CLUH: variants seen among roughly 807,000 people sequenced by gnomAD.
CLUH encodes clustered mitochondria protein homolog.
Under a neutral mutation model 139.3 loss-of-function variants are expected in CLUH, and 77 were observed. The observed-to-expected ratio is 0.55, with a 90% CI of 0.46 to 0.67. CLUH has a LOEUF of 0.67. Among genes scored for constraint, CLUH ranks in the 30% least tolerant of loss-of-function variants. CLUH has a pLI of 0.00. For missense variants in CLUH, 1,876 were observed against 1,875.8 expected, an observed-to-expected ratio of 1.00 and a Z score of 0.00; for synonymous variants, 999 against 801.6, an observed-to-expected ratio of 1.25 and a Z score of -4.16.
Position 2,711,553 on chromosome 17 carries a change from C to A in CLUH, c.100+9G>T. On this transcript the variant is annotated intron_variant, in intron 1 of 25. Transcript: ENST00000651024. ...CGCCCAGCGGCCCGCTGGCCCTGGC[C>A]CCGCTCACCGGCCGCGCCCGGCCGC... 1.0e-6 allele frequency: 1 copy of A among 956,206 alleles called. No individual in the cohort carries two copies. The highest frequency in any genetic ancestry group is 1.2e-6 in the Non-Finnish European group (1 of 804,320). 59.2% of individuals were successfully genotyped at this position (956,206 alleles called of 1,614,324 possible). A position where few individuals can be genotyped will look rare whatever the true frequency, so the allele number is the denominator to read the frequency against.
At chr17:2,690,871 G>A (rs2069598345) in intron 25 of CLUH, 94 bp from the exon 26 acceptor site, 2 of 1,033,230 alleles carry the variant, frequency 1.9e-6, no homozygotes, top group Non-Finnish European at 2.7e-6. Context: ...CTCAGGCTCT[G>A]CGCTCTATTC....
rs548922441 is a variant in CLUH at position 2,691,664 on chromosome 17, C to T, written c.3808G>A (p.Ala1270Thr). The change falls in exon 25 of 26, where the codon GCC becomes ACC. Residue 1270 changes from alanine to threonine, a missense_variant. Physicochemically the swap from Ala to Thr is moderately conservative, Grantham distance 58. Coordinates refer to ENST00000651024, the MANE Select transcript of CLUH (RefSeq NM_001366661.1). ...ACGTTCAGCTGCTCCAAGACGCTGGCCATGCTGGGGGCCGTGAACTGCGGG... is the reference window on the plus strand; with the variant it reads ...ACGTTCAGCTGCTCCAAGACGCTGGTCATGCTGGGGGCCGTGAACTGCGGG... ...PPLKFTAPSMASVLEQLNVIN... is the reference protein window; with the variant it reads ...PPLKFTAPSMTSVLEQLNVIN... 221 of 1,612,620 alleles carry T rather than the reference C, an allele frequency of 1.4e-4. 2 individuals are homozygous for T. In the East Asian group the frequency reaches 3.9e-3, roughly 29 times the overall value.
chr17:2,691,672 G>C lies in CLUH; in HGVS notation c.3800C>G (p.Pro1267Arg). The change falls in exon 25 of 26, where the codon CCC becomes CGC. Residue 1267 changes from proline to arginine, a missense_variant. Pro to Arg is a moderately radical substitution (Grantham distance 103). Transcript: ENST00000651024. ...CTGCTCCAAGACGCTGGCCATGCTG[G>C]GGGCCGTGAACTGCGGGGCGGGGAA... ...ANIPPLKFTA[P>R]SMASVLEQLN... is the part of the protein sequence containing the mutation. The C allele has an allele frequency of 6.2e-7, 1 of 1,612,294 alleles. No homozygotes were observed. The highest frequency in any genetic ancestry group is 1.1e-5 in the South Asian group (1 of 90,924).
Position 2,701,598 on chromosome 17 carries a change from C to A in CLUH, c.744+15G>T. The A allele has an allele frequency of 6.2e-7, 1 of 1,610,032 alleles. No homozygotes were observed. The highest frequency in any genetic ancestry group is 1.7e-4 in the Middle Eastern group (1 of 6,050). On this transcript the variant is annotated intron_variant, in intron 5 of 25. Transcript: ENST00000651024. Reference sequence around the variant, plus strand: ...CCCGCCAGGGACCCTCTTCCTCCCTCCCCCAGGATCCTACCTTCCAGTCAC... The same window carrying A: ...CCCGCCAGGGACCCTCTTCCTCCCTACCCCAGGATCCTACCTTCCAGTCAC...
chr17:2,704,554 T>C lies in CLUH; in HGVS notation c.111A>G (p.Ser37=). ...GGCAGTCCCCGTTTAAGAGCATGACTGATGGCAGCTCTGCGGGTGACAAGA... is the reference window on the plus strand; with the variant it reads ...GGCAGTCCCCGTTTAAGAGCATGACCGATGGCAGCTCTGCGGGTGACAAGA... ...KGRPGAAELP[S]VMLLNGDCPE... is the part of the protein sequence containing the mutation. The change falls in exon 2 of 26, where the codon TCA becomes TCG. Residue 37 remains serine (S), a synonymous_variant. Transcript: ENST00000651024. This position sits in a 1 kb window ranked among gnomAD's most constrained non-coding sequence, Gnocchi z 5.7. 6.4e-7 allele frequency: 1 copy of C among 1,561,338 alleles called. No individual in the cohort carries two copies. The highest frequency in any genetic ancestry group is 8.7e-7 in the Non-Finnish European group (1 of 1,153,432).
chr17:2,699,934 A>AT (rs537348714), intron 9 of CLUH, among the ~76,000 whole-genome samples: 70 of 151,000 alleles, frequency 4.6e-4, no homozygotes, highest in African/African-American at 1.2e-3. Context: ...CCGGCCTGAG[A>AT]TTTTTTTTTT....
rs2069578765 is a variant in CLUH, at chr17:2,690,494, G to A, written c.*100C>T. ...GGGTGGGGTGAGACGTGGAGGAAGA[G>A]GGCCTTGCTTCCTCTTCCGCCCGCA... is the stretch of plus-strand genomic sequence containing the variant. On this transcript the variant is annotated 3_prime_UTR_variant, in exon 26 of 26. Coordinates refer to ENST00000651024, the MANE Select transcript of CLUH (RefSeq NM_001366661.1). The A allele has an allele frequency of 2.8e-6, 3 of 1,076,528 alleles. No individual in the cohort carries two copies. The highest frequency in any genetic ancestry group is 4.1e-5 in the South Asian group (2 of 48,206). 66.7% of individuals were successfully genotyped at this position (1,076,528 alleles called of 1,614,324 possible).
Position 2,711,607 on chromosome 17 carries a change from C to A in CLUH, c.55G>T (p.Glu19Ter). 1 of 983,486 alleles carries A rather than the reference C, an allele frequency of 1.0e-6. No individual in the cohort carries two copies. The highest frequency in any genetic ancestry group is 1.2e-6 in the Non-Finnish European group (1 of 829,334). The allele number at this position is 983,486 out of a possible 1,614,324, so 60.9% of individuals were successfully genotyped here. ...PAAAPADSAR[E>*]HGSQAGGKGR... ...TTGCCCCCGGCCTGCGAGCCGTGTT[C>A]CCGGGCGCTGTCGGCCGGGGCGGCC... Residue 19 changes from glutamate (E) to a stop codon, truncating the protein, a stop_gained, in exon 1 of 26, where the codon GAA becomes TAA. Transcript: ENST00000651024. LOFTEE classifies it high-confidence loss of function.
chr17:2,691,369 C>G (rs925927744), intron 25 of CLUH, among the ~76,000 whole-genome samples: 1 of 152,122 alleles, frequency 6.6e-6, no homozygotes, highest in African/African-American at 2.4e-5. Flanking sequence ...CGAGACCAGC[C>G]TGGTCAACGT....
chr17:2,711,016 T>A (rs2070500846), intron 1 of CLUH: 1 of 152,422 alleles, frequency 6.6e-6, no homozygotes. Context: ...CCTCAGGGCA[T>A]GAACCAGGGA....
rs2070295298 is a variant in CLUH at position 2,704,645 on chromosome 17, G to A, written c.101-81C>T. On this transcript the variant is annotated intron_variant, in intron 1 of 25. Transcript: ENST00000651024. The surrounding 1 kb of genome is among the most constrained non-coding windows in gnomAD (Gnocchi z 5.7). ...TCCGCCTGACCCCACACGGGGACAC[G>A]TGCCTTCTGGAAAGGCATCTGCATG... 10 of 1,345,552 alleles carry A rather than the reference G, an allele frequency of 7.4e-6. No individual in the cohort carries two copies. Among genetic ancestry groups the A allele is most frequent in the African/African-American group, 2.9e-5 (2 of 68,404 alleles). The allele number at this position is 1,345,552 out of a possible 1,614,324, so 83.4% of individuals were successfully genotyped here.
At position 2,711,596 on chromosome 17, in the gene CLUH, C is replaced by T; in HGVS notation, c.66G>A (p.Ser22=). The T allele has an allele frequency of 3.1e-6, 3 of 983,468 alleles. No homozygotes were observed. The highest frequency in any genetic ancestry group is 1.2e-6 in the Non-Finnish European group (1 of 829,208). The allele number at this position is 983,468 out of a possible 1,614,324, so 60.9% of individuals were successfully genotyped here. A position where few individuals can be genotyped will look rare whatever the true frequency, so the allele number is the denominator to read the frequency against. The change falls in exon 1 of 26, where the codon TCG becomes TCA. Residue 22 remains serine (S), a synonymous_variant. Coordinates refer to ENST00000651024, the MANE Select transcript of CLUH (RefSeq NM_001366661.1). ...CCGGCCGCCCCTTGCCCCCGGCCTG[C>T]GAGCCGTGTTCCCGGGCGCTGTCGG... The part of the protein sequence containing the change: ...APADSAREHG[S]QAGGKGRPGA...
chr17:2,692,539 G>C (rs756061842), intron 21 of CLUH, 32 bp downstream of exon 21: 2 of 1,601,618 alleles, frequency 1.2e-6, no homozygotes, highest in Non-Finnish European at 1.7e-6. Flanking sequence ...GATGGAGCTG[G>C]GTCCCTGCCG....
At chr17:2,697,146 T>A (rs1057283517) in intron 10 of CLUH, among the ~76,000 whole-genome samples, 3 of 152,138 alleles carry the variant, frequency 2.0e-5, no homozygotes, top group African/African-American at 7.2e-5. Flanking sequence ...ACGCCTGTAA[T>A]CCCAGCACTT....
At chr17:2,693,708 C>T (rs574415595) in intron 19 of CLUH, among the ~76,000 whole-genome samples, 192 bp downstream of exon 19, 5 of 152,288 alleles carry the variant, frequency 3.3e-5, no homozygotes, top group East Asian at 1.9e-4. Context: ...CTGACCTCAC[C>T]GCAGCACAGG....
intron 19 of CLUH, among the ~76,000 whole-genome samples, chr17:2,693,519 C>T (rs1334855223): frequency 1.9e-5 from 2 of 105,142 alleles, no homozygotes; most frequent in Non-Finnish European, 1.9e-5. Context: ...GCAGGGCACC[C>T]AGAACCCCAC....
Position 2,691,655 on chromosome 17 carries a change from A to G in CLUH, c.3817T>C (p.Leu1273=), listed in dbSNP as rs772240803. Reference sequence around the variant, plus strand: ...CCGTTAATGACGTTCAGCTGCTCCAAGACGCTGGCCATGCTGGGGGCCGTG... The same window carrying G: ...CCGTTAATGACGTTCAGCTGCTCCAGGACGCTGGCCATGCTGGGGGCCGTG... ...KFTAPSMASV[L]EQLNVINGIL... is the part of the protein sequence containing the mutation. Residue 1273 remains leucine (L), a synonymous_variant, in exon 25 of 26, where the codon TTG becomes CTG. Transcript: ENST00000651024. The G allele has an allele frequency of 1.9e-6, 3 of 1,612,578 alleles. No homozygotes were observed. In the South Asian group the frequency reaches 3.3e-5, roughly 18 times the overall value.
At position 2,696,423 on chromosome 17, in the gene CLUH, C is replaced by T. The variant is rs1416482059; in HGVS notation, c.2290+11G>A. ...GGAGGGCTCCTGCGCTGGCCGGCCC[C>T]CACCACCTGCCTGGTGAGAAGATGT... On this transcript the variant is annotated intron_variant, in intron 12 of 25. Coordinates refer to ENST00000651024, the MANE Select transcript of CLUH (RefSeq NM_001366661.1). The T allele has an allele frequency of 6.4e-7, 1 of 1,574,296 alleles. No individual in the cohort carries two copies. Among genetic ancestry groups the T allele is most frequent in the Middle Eastern group, 1.7e-4 (1 of 6,026 alleles).
In CLUH at chr17:2,694,578, A is replaced by G; in HGVS notation, c.2853-14T>C. 1 of 1,562,634 alleles carries G rather than the reference A, an allele frequency of 6.4e-7. No individual in the cohort carries two copies. Among genetic ancestry groups the G allele is most frequent in the Non-Finnish European group, 8.7e-7 (1 of 1,153,210 alleles). On this transcript the variant is annotated splice_polypyrimidine_tract_variant and intron_variant, in intron 16 of 25. Transcript: ENST00000651024. Reference sequence around the variant, plus strand: ...TCCACGGTCTCACTGAGGAGGGAGCAGGGGGCCTGAGCAGCCCAAGCACCG... The same window carrying G: ...TCCACGGTCTCACTGAGGAGGGAGCGGGGGGCCTGAGCAGCCCAAGCACCG...
Sources: gnomAD v4.1 joint callset for allele counts (sites outside exome capture counted in the v4.1 genomes callset) on GRCh38, gnomAD v4.1.1 for gene constraint, Gnocchi (gnomAD v3.1) non-coding constraint, MANE v1.5 for transcripts, NCBI Gene and HGNC (gene_info 2026-07-23, HGNC 2026-07-21) for gene names.